RGS22: variants seen among roughly 807,000 people sequenced by gnomAD.
RGS22 encodes regulator of G-protein signaling 22.
Under a neutral mutation model 172.9 loss-of-function variants are expected in RGS22, and 148 were observed. The ratio of observed to expected loss-of-function variants is 0.86; its 90% confidence interval spans 0.75 to 0.98. The LOEUF (loss-of-function observed/expected upper bound fraction) is 0.98. Ranked by LOEUF, RGS22 falls within the 50% of genes least tolerant of loss-of-function variation. The probability of loss-of-function intolerance (pLI) is 0.00; values close to 1 mark genes in which losing one functional copy is unlikely to be tolerated. For synonymous variants in RGS22, 458 were observed against 480.2 expected, an observed-to-expected ratio of 0.95 and a Z score of 0.60; for missense variants, 1,347 against 1,440.8, an observed-to-expected ratio of 0.93 and a Z score of 1.05.
chr8:100,046,327 T>A (rs1820711273), intron 11 of RGS22: 1 of 151,952 alleles, frequency 6.6e-6, no homozygotes, highest in South Asian at 2.1e-4. Context: ...GCTTTTTCAC[T>A]GTAATACTCT....
At chr8:100,017,600 A>G (rs1817142239) in intron 14 of RGS22, among the ~76,000 whole-genome samples, 1 of 151,442 alleles carries the variant, frequency 6.6e-6, no homozygotes, top group South Asian at 2.1e-4. Flanking sequence ...ACAACTGAGT[A>G]TATATATATA....
intron 14 of RGS22, among the ~76,000 whole-genome samples, chr8:100,032,422 G>A (rs578036692): frequency 6.4e-4 from 97 of 152,168 alleles, no homozygotes; most frequent in African/African-American, 2.2e-3. Context: ...GACAAAGAAG[G>A]CCATTACATA....
At chr8:100,055,176 G>A (rs1322143826) in intron 9 of RGS22, among the ~76,000 whole-genome samples, 2 of 152,228 alleles carry the variant, frequency 1.3e-5, no homozygotes, top group African/African-American at 4.8e-5. Flanking sequence ...TAGCCAGGGG[G>A]TGGTTACAGC....
At position 100,063,863 on chromosome 8, in the gene RGS22, T is replaced by C. The variant is rs1039266445; in HGVS notation, c.905A>G (p.Asp302Gly). Residue 302 changes from aspartate to glycine, a missense_variant, in exon 8 of 28, where the codon GAT becomes GGT. Coordinates refer to ENST00000360863, the MANE Select transcript of RGS22 (RefSeq NM_015668.5). ...TGAGAAATGCATTGTCAGGCTTTCATCAACATCCTGTTTCTTTTCAAGGTA... is the reference window on the plus strand; with the variant it reads ...TGAGAAATGCATTGTCAGGCTTTCACCAACATCCTGTTTCTTTTCAAGGTA... ...RVYLEKKQDV[D>G]ESLTMHFSTC... The C allele has an allele frequency of 6.2e-7, 1 of 1,611,882 alleles. No individual in the cohort carries two copies. The highest frequency in any genetic ancestry group is 8.5e-7 in the Non-Finnish European group (1 of 1,179,166).
At chr8:100,069,438 A>C (rs1402413818) in intron 6 of RGS22, among the ~76,000 whole-genome samples, 1 of 152,378 alleles carries the variant, frequency 6.6e-6, no homozygotes, top group East Asian at 1.9e-4. Flanking sequence ...CCAAAGATCA[A>C]ATAACAGTTC....
intron 14 of RGS22, among the ~76,000 whole-genome samples, chr8:100,021,523 A>G (rs1006777486): frequency 6.6e-6 from 1 of 152,236 alleles, no homozygotes; most frequent in Non-Finnish European, 1.5e-5. Flanking sequence ...ACATTAAAGC[A>G]TTATGAGAAA....
At chr8:99,989,671 C>T (rs1289966201) in intron 20 of RGS22, among the ~76,000 whole-genome samples, 2 of 151,350 alleles carry the variant, frequency 1.3e-5, no homozygotes, top group Non-Finnish European at 2.9e-5. Context: ...TGGCAAAACC[C>T]CATCTACACC....
In RGS22 at chr8:100,002,278, T is replaced by A. The variant is rs1192066467; in HGVS notation, c.2714A>T (p.Tyr905Phe). 1 of 1,611,766 alleles carries A rather than the reference T, an allele frequency of 6.2e-7. No individual in the cohort carries two copies. The highest frequency in any genetic ancestry group is 8.5e-7 in the Non-Finnish European group (1 of 1,178,864). Reference sequence around the variant, plus strand: ...TTTATTAAGGTATTTGTTTTTAATGTATATAGATTTTGCCTTCCTTTGATT... The same window carrying A: ...TTTATTAAGGTATTTGTTTTTAATGAATATAGATTTTGCCTTCCTTTGATT... Reference protein sequence around the residue: ...DRNQRKAKSIYIKNKYLNKKY... With the variant: ...DRNQRKAKSIFIKNKYLNKKY... Residue 905 changes from tyrosine (Y) to phenylalanine (F), a missense_variant, in exon 18 of 28, where the codon TAC becomes TTC. By Grantham distance (22) the Tyr-to-Phe change is conservative (BLOSUM62 3). Coordinates refer to ENST00000360863, the MANE Select transcript of RGS22 (RefSeq NM_015668.5).
chr8:100,093,418 T>A, intron 3 of RGS22, 29 bp downstream of exon 3: 1 of 1,360,988 alleles, frequency 7.3e-7, no homozygotes, highest in Non-Finnish European at 1.0e-6. Context: ...TGATAATATA[T>A]ATTCAATAGA....
chr8:100,051,472 ATT>A (rs1268632876), intron 10 of RGS22, among the ~76,000 whole-genome samples: 1 of 100,860 alleles, frequency 9.9e-6, no homozygotes, highest in African/African-American at 3.8e-5. Flanking sequence ...ATAAATATAT[ATT>A]ATATATATTT....
At chr8:100,069,207 G>A (rs1485149391) in intron 6 of RGS22, among the ~76,000 whole-genome samples, 1 of 152,158 alleles carries the variant, frequency 6.6e-6, no homozygotes, top group African/African-American at 2.4e-5. Context: ...TTGATCAACT[G>A]AAAGTGCCTT....
chr8:100,065,101 C>T (rs1239678327), intron 7 of RGS22, among the ~76,000 whole-genome samples: 2 of 152,180 alleles, frequency 1.3e-5, no homozygotes, highest in African/African-American at 4.8e-5. Context: ...CATCCATGCC[C>T]CATTCTCAAT....
chr8:100,001,576 T>C (rs1815094352), intron 18 of RGS22, among the ~76,000 whole-genome samples: 1 of 152,154 alleles, frequency 6.6e-6, no homozygotes, highest in South Asian at 2.1e-4. Flanking sequence ...ACTGTAGTTA[T>C]TTAGTTATTA....
At position 100,070,417 on chromosome 8, in the gene RGS22, A is replaced by C. The variant is rs574148704; in HGVS notation, c.594+952T>G. Among the ~76,000 whole-genome samples, 5 of 152,332 alleles carry C rather than the reference A, an allele frequency of 3.3e-5. No individual in the cohort carries two copies. The South Asian group carries it at 1.0e-3, about 32-fold the overall frequency. On this transcript the variant is annotated intron_variant, in intron 6 of 27. Coordinates refer to ENST00000360863, the MANE Select transcript of RGS22 (RefSeq NM_015668.5). Reference sequence around the variant, plus strand: ...TAATTTCAAAAAACTATTTGAGATCAAGGGACAATGGTGTGACCAATATGA... The same window carrying C: ...TAATTTCAAAAAACTATTTGAGATCCAGGGACAATGGTGTGACCAATATGA...
chr8:100,091,240 TG>T (rs1486014576), intron 3 of RGS22, among the ~76,000 whole-genome samples: 4 of 148,522 alleles, frequency 2.7e-5, no homozygotes, highest in Non-Finnish European at 4.4e-5. Context: ...ATGTGAAGAA[TG>T]GGTAATTAAT....
intron 2 of RGS22, among the ~76,000 whole-genome samples, chr8:100,098,854 ATTATT>A (rs1813208168): frequency 4.6e-5 from 1 of 21,512 alleles, no homozygotes; most frequent in Non-Finnish European, 8.1e-5. Context: ...TATTTATTTT[ATTATT>A]TTATTTATTT....
intron 20 of RGS22, among the ~76,000 whole-genome samples, chr8:99,993,572 T>C (rs778003798): frequency 6.6e-6 from 1 of 152,150 alleles, no homozygotes; most frequent in Admixed American, 6.5e-5. Context: ...CAGGAAGAAG[T>C]TGAATCTCTG....
intron 18 of RGS22, among the ~76,000 whole-genome samples, chr8:100,000,528 G>C (rs778916646): frequency 5.3e-5 from 8 of 152,058 alleles, no homozygotes; most frequent in Non-Finnish European, 7.4e-5. Context: ...TGATGACAAA[G>C]ACAAAGAAGG....
intron 23 of RGS22, among the ~76,000 whole-genome samples, chr8:99,967,396 T>G (rs1358634031): frequency 2.7e-5 from 4 of 150,512 alleles, no homozygotes; most frequent in Non-Finnish European, 5.9e-5. Flanking sequence ...TTCACTCCCC[T>G]GGAAAGGGGG....
Sources: allele counts gnomAD v4.1 joint callset (sites outside exome capture counted in the v4.1 genomes callset), GRCh38; gene constraint gnomAD v4.1.1; transcripts MANE v1.5; gene names NCBI Gene and HGNC (gene_info 2026-07-23, HGNC 2026-07-21).